Variants in ADD3 observed in about 807,000 individuals in gnomAD.
ADD3 encodes the protein gamma-adducin.
A neutral mutation model predicts 80.2 loss-of-function variants in ADD3; 25 were observed. That is an observed-to-expected ratio of 0.31 (90% confidence interval 0.23 to 0.44). ADD3 has a LOEUF of 0.44. ADD3 is among the 20% of genes least tolerant of loss of function. The pLI is 1.00. For missense variants in ADD3, 829 were observed against 847.5 expected, an observed-to-expected ratio of 0.98 and a Z score of 0.27; for synonymous variants, 284 against 289.6, an observed-to-expected ratio of 0.98 and a Z score of 0.20.
At chr10:110,039,643 C>A (rs887630616) in intron 1 of ADD3, among the ~76,000 whole-genome samples, 2 of 152,212 alleles carry the variant, frequency 1.3e-5, no homozygotes, top group Admixed American at 1.3e-4. Flanking sequence ...CCAAACTAAG[C>A]AGCTTCAGAC....
At chr10:110,017,477 T>TG (rs1467555040) in intron 1 of ADD3, among the ~76,000 whole-genome samples, 11 of 152,348 alleles carry the variant, frequency 7.2e-5, no homozygotes, top group African/African-American at 2.6e-4. Context: ...AGTGAATTGT[T>TG]TCACCCTGGG....
At chr10:110,041,007 C>T (rs1856289049) in intron 1 of ADD3, among the ~76,000 whole-genome samples, 1 of 150,744 alleles carries the variant, frequency 6.6e-6, no homozygotes, top group South Asian at 2.1e-4. Flanking sequence ...TCTCTCTGTC[C>T]CTCTCTGTCT....
intron 1 of ADD3, among the ~76,000 whole-genome samples, chr10:110,072,790 G>C (rs549498177): frequency 2.0e-5 from 3 of 152,340 alleles, no homozygotes; most frequent in African/African-American, 7.2e-5. Flanking sequence ...CAAAAGCTCT[G>C]AGAGAGTAAG....
chr10:110,092,534 C>A (rs576716906), intron 1 of ADD3, among the ~76,000 whole-genome samples: 1 of 152,172 alleles, frequency 6.6e-6, no homozygotes, highest in East Asian at 1.9e-4. Context: ...CACATGGACA[C>A]AAAGGTGGGA....
At chr10:110,067,806 A>G (rs1259630662) in intron 1 of ADD3, among the ~76,000 whole-genome samples, 1 of 152,066 alleles carries the variant, frequency 6.6e-6, no homozygotes, top group Non-Finnish European at 1.5e-5. Flanking sequence ...TCAGTTTTTC[A>G]TTTTCATGTA....
At chr10:110,017,297 T>C (rs1853119394) in intron 1 of ADD3, among the ~76,000 whole-genome samples, 1 of 152,216 alleles carries the variant, frequency 6.6e-6, no homozygotes, top group East Asian at 1.9e-4. Flanking sequence ...TTGGTTTCTG[T>C]TGTTGTTTTT....
At position 110,116,259 on chromosome 10, in the gene ADD3, G is replaced by T. The variant is rs1214773162; in HGVS notation, c.335G>T (p.Ser112Ile). Residue 112 changes from serine (S) to isoleucine (I), a missense_variant and splice_region_variant, in exon 4 of 15, where the codon AGT becomes ATT. By Grantham distance (142) the Ser-to-Ile change is moderately radical. Coordinates refer to ENST00000356080, the MANE Select transcript of ADD3 (RefSeq NM_016824.5). ...SFSGFSSPPL[S>I]LGMVTPINDL... ...CTCTCCACATTTTTTGCTCTTTTAG[G>T]TCTTGGCATGGTCACACCTATCAAT... is the stretch of plus-strand genomic sequence containing the variant. 2 of 1,613,244 alleles carry T rather than the reference G, an allele frequency of 1.2e-6. No homozygotes were observed. The highest frequency in any genetic ancestry group is 8.5e-7 in the Non-Finnish European group (1 of 1,179,724).
intron 1 of ADD3, among the ~76,000 whole-genome samples, chr10:110,028,104 A>G (rs1218439361): frequency 6.6e-6 from 1 of 152,230 alleles, no homozygotes; most frequent in Non-Finnish European, 1.5e-5. Context: ...TATGAGGGTT[A>G]TATGAGATGA....
At position 110,061,343 on chromosome 10, in the gene ADD3, G is replaced by T. The variant is rs148110803; in HGVS notation, c.-29-39282G>T. ...ATTGGTGTAGTGCAGCCTGGAAAAG[G>T]GTTGTCAGTCTTTTTTTTGGGTGGA... is the stretch of plus-strand genomic sequence containing the variant. On this transcript the variant is annotated intron_variant, in intron 1 of 14. Transcript: ENST00000356080. Among the ~76,000 whole-genome samples the T allele has an allele frequency of 1.0e-3, 156 of 152,222 alleles. 2 individuals are homozygous for T. In the East Asian group the frequency reaches 0.026, roughly 26 times the overall value.
chr10:110,091,759 T>C (rs1472414852), intron 1 of ADD3, among the ~76,000 whole-genome samples: 2 of 152,056 alleles, frequency 1.3e-5, no homozygotes, highest in African/African-American at 4.8e-5. Flanking sequence ...TATGACATAA[T>C]TAAAGAGCCT....
At chr10:110,057,036 A>G (rs1449743905) in intron 1 of ADD3, among the ~76,000 whole-genome samples, 2 of 152,296 alleles carry the variant, frequency 1.3e-5, no homozygotes, top group African/African-American at 4.8e-5. Context: ...CTAGGTTCTT[A>G]ACAGTTTCCA....
chr10:110,101,146 T>C (rs1302026203), intron 2 of ADD3, among the ~76,000 whole-genome samples: 3 of 152,212 alleles, frequency 2.0e-5, no homozygotes, highest in African/African-American at 7.2e-5. Context: ...AAGAAAGGCA[T>C]GACTCAAGTC....
intron 1 of ADD3, among the ~76,000 whole-genome samples, chr10:110,028,622 A>G (rs1854600054): frequency 6.6e-6 from 1 of 152,118 alleles, no homozygotes; most frequent in African/African-American, 2.4e-5. Context: ...TTAGTGTTTG[A>G]CCTGAGCAAA....
chr10:110,122,634 A>G (rs1180007518), intron 9 of ADD3, among the ~76,000 whole-genome samples: 1 of 146,664 alleles, frequency 6.8e-6, no homozygotes, highest in Non-Finnish European at 1.5e-5. Flanking sequence ...TATGAGTTCA[A>G]CTTTTTTTTT....
chr10:110,133,728 A>C lies in ADD3; in HGVS notation c.*110A>C. On this transcript the variant is annotated 3_prime_UTR_variant, in exon 15 of 15. Transcript: ENST00000356080. ...GGTAGATCAGATTGGGGGATGTAGCAAACTGGACTTTAAGAACTGGAAAGA... is the reference window on the plus strand; with the variant it reads ...GGTAGATCAGATTGGGGGATGTAGCCAACTGGACTTTAAGAACTGGAAAGA... 3.3e-6 allele frequency: 3 copies of C among 900,242 alleles called. No homozygotes were observed. The highest frequency in any genetic ancestry group is 4.7e-6 in the Non-Finnish European group (3 of 644,894). The allele number at this position is 900,242 out of a possible 1,614,324, so 55.8% of individuals were successfully genotyped here. A position where few individuals can be genotyped will look rare whatever the true frequency, so the allele number is the denominator to read the frequency against.
chr10:110,001,024 A>G (rs184914765), upstream of ADD3, among the ~76,000 whole-genome samples: 30 of 152,298 alleles, frequency 2.0e-4, no homozygotes, highest in Admixed American at 3.3e-4. Context: ...GAATAAACAA[A>G]TATTTAAATT....
Position 110,130,410 on chromosome 10 carries a change from C to T in ADD3, c.1656C>T (p.Asn552=). 6.2e-7 allele frequency: 1 copy of T among 1,614,014 alleles called. No homozygotes were observed. Among genetic ancestry groups the T allele is most frequent in the Non-Finnish European group, 8.5e-7 (1 of 1,179,930 alleles). The change falls in exon 13 of 15, where the codon AAC becomes AAT. Residue 552 remains asparagine (N), a synonymous_variant. Coordinates refer to ENST00000356080, the MANE Select transcript of ADD3 (RefSeq NM_016824.5). ...ATCATGGCCCACCAGCTCCTCCTAA[C>T]CCATTTAGTCATCTCACAGAAGGAG... The part of the protein sequence containing the change: ...DDDHGPPAPP[N]PFSHLTEGEL...
chr10:110,012,824 C>G (rs1183528266), intron 1 of ADD3, among the ~76,000 whole-genome samples: 1 of 151,880 alleles, frequency 6.6e-6, no homozygotes, highest in Non-Finnish European at 1.5e-5. Flanking sequence ...GTCTCGAACT[C>G]CTGGGCTCAA....
intron 2 of ADD3, among the ~76,000 whole-genome samples, chr10:110,102,322 T>C (rs1848908854): frequency 6.6e-6 from 1 of 152,184 alleles, no homozygotes; most frequent in South Asian, 2.1e-4. Context: ...ACTAACTTAC[T>C]AGATCGGAAA....
Sources: allele counts gnomAD v4.1 joint callset (sites outside exome capture counted in the v4.1 genomes callset), GRCh38; gene constraint gnomAD v4.1.1; transcripts MANE v1.5; gene names NCBI Gene and HGNC (gene_info 2026-07-23, HGNC 2026-07-21).